The following ASMTL variants were observed in gnomAD, a reference collection of about 807,000 sequenced individuals.
ASMTL encodes the protein probable bifunctional dTTP/UTP pyrophosphatase/methyltransferase protein.
Under a neutral mutation model 60.3 loss-of-function variants are expected in ASMTL, and 57 were observed. That is an observed-to-expected ratio of 0.95 (90% CI 0.76 to 1.18). The LOEUF (loss-of-function observed/expected upper bound fraction) is 1.18. Among genes scored for constraint, ASMTL ranks in the 50% most tolerant of loss-of-function variants. The pLI is 0.00. For missense variants in ASMTL, 981 were observed against 852.6 expected (o/e 1.15, Z -1.88); for synonymous variants, 419 against 373.0 (o/e 1.12, Z -1.42).
chrX:1,420,905 C>G (rs1417863290), intron 9 of ASMTL, among the ~76,000 whole-genome samples: 1 of 151,824 alleles, frequency 6.6e-6, no homozygotes. Context: ...AAGTGATCTT[C>G]CCACCCACCT....
chrX:1,431,587 ATAT>A, intron 6 of ASMTL, among the ~76,000 whole-genome samples: 1 of 142,812 alleles, frequency 7.0e-6, no homozygotes, highest in South Asian at 2.3e-4. Flanking sequence ...TATAGTATAC[ATAT>A]TACAGTATAA....
rs191224426 is a variant in ASMTL at position 1,439,252 on chromosome X, C to A, written c.226-108G>T. 1,782 of 1,190,064 alleles carry A rather than the reference C, an allele frequency of 1.5e-3. 5 individuals carry two copies. The highest frequency in any genetic ancestry group is 2.0e-3 in the Non-Finnish European group (1,627 of 818,566). The allele number at this position is 1,190,064 out of a possible 1,614,324, so 73.7% of individuals were successfully genotyped here. On this transcript the variant is annotated intron_variant, in intron 2 of 12. Transcript: ENST00000381317. ...GAGCACCGCAGGGGCGAAGCCAGGC[C>A]GACTTTGGAAGTGAAGGCTGGGGGT...
chrX:1,424,847 T>C (rs185632007), intron 8 of ASMTL, among the ~76,000 whole-genome samples: 672 of 63,738 alleles, frequency 0.011, 5 homozygotes, highest in South Asian at 0.026. Flanking sequence ...TCCATCCATC[T>C]ATCCATCCAC....
In ASMTL at chrX:1,412,447, C is replaced by T. The variant is rs1454095460; in HGVS notation, c.1645+285G>A. Reference sequence around the variant, plus strand: ...TTCACCATGTTGGCCAGGCTGGTCTCGAACTGCTCACCCCGGGTGATCCAC... The same window carrying T: ...TTCACCATGTTGGCCAGGCTGGTCTTGAACTGCTCACCCCGGGTGATCCAC... On this transcript the variant is annotated intron_variant, in intron 12 of 12. Transcript: ENST00000381317. Among the ~76,000 whole-genome samples, 7 of 151,832 alleles carry T rather than the reference C, an allele frequency of 4.6e-5. No individual in the cohort carries two copies. The South Asian group carries it at 6.2e-4, about 14-fold the overall frequency.
intron 3 of ASMTL, among the ~76,000 whole-genome samples, chrX:1,436,608 T>C (rs1365501654): frequency 6.6e-6 from 1 of 152,158 alleles, no homozygotes; most frequent in Non-Finnish European, 1.5e-5. Flanking sequence ...CGCCTCGGCC[T>C]CCCAAAGTGC....
chrX:1,426,298 C>T (rs1441733601), intron 7 of ASMTL, among the ~76,000 whole-genome samples: 2 of 152,110 alleles, frequency 1.3e-5, no homozygotes, highest in Non-Finnish European at 2.9e-5. Flanking sequence ...TAATAATCAC[C>T]ACTTGGTAAA....
intron 3 of ASMTL, among the ~76,000 whole-genome samples, chrX:1,438,521 T>TG (rs200335765): frequency 0.014 from 2,097 of 152,296 alleles, 48 homozygotes; most frequent in African/African-American, 0.048. Context: ...CGTACCTTCC[T>TG]GTGCCTTTTG....
intron 5 of ASMTL, among the ~76,000 whole-genome samples, chrX:1,434,103 T>C (rs1275490288): frequency 9.2e-5 from 14 of 152,118 alleles, no homozygotes; most frequent in South Asian, 2.1e-4. Flanking sequence ...AATTCTACGA[T>C]GCCTCCTGGT....
At chrX:1,449,335 T>A (rs2091298445) in intron 1 of ASMTL, among the ~76,000 whole-genome samples, 2 of 151,824 alleles carry the variant, frequency 1.3e-5, no homozygotes, top group Admixed American at 6.6e-5. Flanking sequence ...CCCATCCTGG[T>A]CTTCAGGGCA....
chrX:1,412,957 GAAGA>G (rs1401220832), intron 11 of ASMTL, 103 bp from the exon 12 acceptor site: 136 of 1,317,774 alleles, frequency 1.0e-4, no homozygotes, highest in Non-Finnish European at 1.4e-4. Flanking sequence ...CAGGGACAGA[GAAGA>G]GAGGGGTGTG....
chrX:1,428,965 C>A (rs769873626), intron 6 of ASMTL, among the ~76,000 whole-genome samples: 1 of 151,074 alleles, frequency 6.6e-6, no homozygotes, highest in African/African-American at 2.4e-5. Flanking sequence ...GGCGCGATCT[C>A]GGCTCCCTGC....
At position 1,420,225 on chromosome X, in the gene ASMTL, TCTCA is replaced by T. The variant is rs1488939503; in HGVS notation, c.1246-1115_1246-1112del. Among the ~76,000 whole-genome samples the T allele has an allele frequency of 4.9e-4, 74 of 151,798 alleles. 1 individual carries two copies. Among genetic ancestry groups the T allele is most frequent in the South Asian group, 1.5e-3 (7 of 4,790 alleles). On this transcript the variant is annotated intron_variant, in intron 9 of 12. Transcript: ENST00000381317. ...CCCTGTCTCTCCATCTCTCTCCCTA[TCTCA>T]CTATCTGTCTCCCATCTCCGTGTCT...
rs372903195 is a variant in ASMTL at position 1,427,682 on chromosome X, G to A, written c.897+52C>T. On this transcript the variant is annotated intron_variant, in intron 7 of 12. Transcript: ENST00000381317. ...AAGTAAATTCCCTTTGATTTAAGCC[G>A]AGTGTGTAGGCTCATTTGTGAAATG... 785 of 1,532,676 alleles carry A rather than the reference G, an allele frequency of 5.1e-4. 5 individuals carry two copies. The highest frequency in any genetic ancestry group is 4.6e-3 in the South Asian group (380 of 82,872). The allele number at this position is 1,532,676 out of a possible 1,614,324, so 94.9% of individuals were successfully genotyped here.
chrX:1,423,100 C>A (rs2149305279), intron 8 of ASMTL, among the ~76,000 whole-genome samples: 1 of 152,164 alleles, frequency 6.6e-6, no homozygotes, highest in South Asian at 2.1e-4. Flanking sequence ...CTACAGGCAC[C>A]CGCCACCGTG....
rs1412211295 is a variant in ASMTL, at chrX:1,403,686, G to A, written c.1646-197C>T. On this transcript the variant is annotated intron_variant, in intron 12 of 12. Coordinates refer to ENST00000381317, the MANE Select transcript of ASMTL (RefSeq NM_004192.4). ...TGCAGGGCGGACAGACAGGGAGAAG[G>A]AGATTTGATCGAAAGATGGATGGAT... The A allele has an allele frequency of 5.0e-6, 3 of 605,094 alleles. No homozygotes were observed. In the East Asian group the frequency reaches 8.2e-5, roughly 17 times the overall value. 37.5% of individuals were successfully genotyped at this position (605,094 alleles called of 1,614,324 possible).
chrX:1,452,924 G>T (rs1336543807), upstream of ASMTL: 61 of 1,135,376 alleles, frequency 5.4e-5, no homozygotes, highest in Non-Finnish European at 6.8e-5. Context: ...AAAAACAGGC[G>T]GCCAGAGTCC....
Position 1,406,771 on chromosome X carries a change from TAG to T in ASMTL, c.1646-3284_1646-3283del, listed in dbSNP as rs750937823. Among the ~76,000 whole-genome samples the T allele has an allele frequency of 4.7e-3, 716 of 151,842 alleles. 6 individuals are homozygous for T. The highest frequency in any genetic ancestry group is 0.016 in the African/African-American group (679 of 41,372). On this transcript the variant is annotated intron_variant, in intron 12 of 12. Transcript: ENST00000381317. ...ATGGGTAGGTAGGTAGATGAATGGA[TAG>T]ATACATGGATGCATGCATGAGATGG...
intron 12 of ASMTL, among the ~76,000 whole-genome samples, chrX:1,406,709 G>A (rs1280925077): frequency 6.6e-6 from 1 of 151,704 alleles, no homozygotes; most frequent in Non-Finnish European, 1.5e-5. Context: ...ATGGATGCAT[G>A]CATGAGATGG....
At chrX:1,438,240 G>A (rs1465092459) in intron 3 of ASMTL, among the ~76,000 whole-genome samples, 6 of 151,866 alleles carry the variant, frequency 4.0e-5, no homozygotes, top group Non-Finnish European at 7.4e-5. Context: ...CCGAGATCAC[G>A]CCACTGTAAT....
Sources: gnomAD v4.1 joint callset for allele counts (sites outside exome capture counted in the v4.1 genomes callset) on GRCh38, gnomAD v4.1.1 for gene constraint, MANE v1.5 for transcripts, NCBI Gene and HGNC (gene_info 2026-07-23, HGNC 2026-07-21) for gene names.